B3GLCT: variants seen among roughly 807,000 people sequenced by gnomAD.
B3GLCT encodes beta 3-glucosyltransferase.
In B3GLCT, 65 loss-of-function variants were observed where a neutral mutation model predicts 63.4. That is an observed-to-expected ratio of 1.03 (90% confidence interval 0.84 to 1.26). The LOEUF (loss-of-function observed/expected upper bound fraction) is 1.26. Among genes scored for constraint, B3GLCT ranks in the 50% most tolerant of loss-of-function variants. B3GLCT has a pLI of 0.00. For missense variants in B3GLCT, 577 were observed against 604.8 expected (o/e 0.95, Z 0.48); for synonymous variants, 233 against 219.2 (o/e 1.06, Z -0.55).
chr13:31,247,508 T>A (rs1871249593), intron 5 of B3GLCT, among the ~76,000 whole-genome samples: 1 of 152,120 alleles, frequency 6.6e-6, no homozygotes, highest in Non-Finnish European at 1.5e-5. Flanking sequence ...CTGTTGACCT[T>A]GTGATCCGTC....
intron 13 of B3GLCT, among the ~76,000 whole-genome samples, chr13:31,322,717 A>C (rs1240132105): frequency 4.6e-5 from 7 of 152,188 alleles, no homozygotes; most frequent in Admixed American, 6.5e-5. Context: ...TTAGTTTTTC[A>C]GAGAGCGGAT....
intron 10 of B3GLCT, among the ~76,000 whole-genome samples, chr13:31,284,273 G>T (rs529819078): frequency 1.3e-5 from 2 of 152,246 alleles, no homozygotes; most frequent in African/African-American, 4.8e-5. Flanking sequence ...AGTTTGCAAA[G>T]GTCTTCTCAT....
chr13:31,317,787 C>T, intron 13 of B3GLCT, 102 bp downstream of exon 13: 1 of 1,401,398 alleles, frequency 7.1e-7, no homozygotes, highest in African/African-American at 1.4e-5. Flanking sequence ...TACGTGAGTA[C>T]TCTGTGAATG....
chr13:31,205,824 C>T (rs1422774687), intron 1 of B3GLCT, among the ~76,000 whole-genome samples: 1 of 152,140 alleles, frequency 6.6e-6, no homozygotes. Flanking sequence ...CTACATATAT[C>T]TGCATGTTGT....
chr13:31,286,692 T>C, intron 11 of B3GLCT, 28 bp from the exon 12 acceptor site: 1 of 1,337,078 alleles, frequency 7.5e-7, no homozygotes, highest in Non-Finnish European at 1.1e-6. Flanking sequence ...AAATAATACA[T>C]TGTAAGTTTT....
rs576724006 is a variant in B3GLCT, at chr13:31,215,222, T to C, written c.120+122T>C. Reference sequence around the variant, plus strand: ...TTTTATTGTTACATAATTCATATAATGTGGTCAACATGGATTTTGAATCCC... The same window carrying C: ...TTTTATTGTTACATAATTCATATAACGTGGTCAACATGGATTTTGAATCCC... On this transcript the variant is annotated intron_variant, in intron 2 of 14. Transcript: ENST00000343307. The C allele has an allele frequency of 9.5e-5, 101 of 1,062,372 alleles. 2 individuals are homozygous for C. The Middle Eastern group carries it at 1.4e-3, about 15-fold the overall frequency. 65.8% of individuals were successfully genotyped at this position (1,062,372 alleles called of 1,614,324 possible).
chr13:31,271,424 A>G (rs1872571422), intron 8 of B3GLCT, among the ~76,000 whole-genome samples: 1 of 152,306 alleles, frequency 6.6e-6, no homozygotes, highest in South Asian at 2.1e-4. Context: ...CATTGCTTCT[A>G]TGAATATTTT....
chr13:31,266,042 C>A (rs966516173), intron 7 of B3GLCT, among the ~76,000 whole-genome samples: 1 of 152,180 alleles, frequency 6.6e-6, no homozygotes, highest in East Asian at 1.9e-4. Flanking sequence ...CTCTGTCGCC[C>A]AGGCTGGAGT....
intron 4 of B3GLCT, among the ~76,000 whole-genome samples, chr13:31,244,156 T>G (rs1369880769): frequency 6.6e-6 from 1 of 152,232 alleles, no homozygotes; most frequent in Non-Finnish European, 1.5e-5. Flanking sequence ...AATTTTAATT[T>G]GAAAACTATT....
chr13:31,251,264 T>G (rs9572561), intron 6 of B3GLCT, among the ~76,000 whole-genome samples: 1 of 151,928 alleles, frequency 6.6e-6, no homozygotes, highest in Admixed American at 6.5e-5. Flanking sequence ...GGGGAGAAAC[T>G]AGCACAAAAC....
intron 12 of B3GLCT, among the ~76,000 whole-genome samples, chr13:31,310,012 C>T (rs535438539): frequency 6.6e-6 from 1 of 152,304 alleles, no homozygotes; most frequent in South Asian, 2.1e-4. Flanking sequence ...ACACAAATTC[C>T]TAGGCAGAAA....
chr13:31,278,665 C>G lies in B3GLCT; in HGVS notation c.850+1894C>G, dbSNP rs570192561. On this transcript the variant is annotated intron_variant, in intron 10 of 14. Coordinates refer to ENST00000343307, the MANE Select transcript of B3GLCT (RefSeq NM_194318.4). ...TCCATTTTGCATGACTTCATGTAGC[C>G]TGCCAAGCCACCACTGGGCTCTGCC... Among the ~76,000 whole-genome samples the G allele has an allele frequency of 4.2e-4, 64 of 152,294 alleles. 1 individual carries two copies. In the Middle Eastern group the frequency reaches 0.01, roughly 24 times the overall value.
intron 13 of B3GLCT, among the ~76,000 whole-genome samples, chr13:31,322,841 G>GA (rs1875399793): frequency 6.6e-6 from 1 of 151,974 alleles, no homozygotes; most frequent in African/African-American, 2.4e-5. Context: ...CTCTTTTCCC[G>GA]GAGTCAGTAG....
At chr13:31,293,034 A>T (rs73174618) in intron 12 of B3GLCT, among the ~76,000 whole-genome samples, 1 of 151,872 alleles carries the variant, frequency 6.6e-6, no homozygotes, top group Admixed American at 6.6e-5. Context: ...GTTCCAAAGA[A>T]CTTATTTCTG....
intron 6 of B3GLCT, among the ~76,000 whole-genome samples, chr13:31,253,618 A>ACAAAACAAAC (rs1555249043): frequency 1.2e-5 from 1 of 82,266 alleles, no homozygotes; most frequent in Non-Finnish European, 2.3e-5. Flanking sequence ...AAAAAAAAAA[A>ACAAAACAAAC]AAACTAGAGA....
At chr13:31,266,552 GT>G (rs1452749422) in intron 7 of B3GLCT, among the ~76,000 whole-genome samples, 2 of 152,130 alleles carry the variant, frequency 1.3e-5, no homozygotes. Flanking sequence ...TTTTAAGTTA[GT>G]TGGTCACCCT....
intron 12 of B3GLCT, among the ~76,000 whole-genome samples, chr13:31,294,078 C>T (rs1456482056): frequency 6.6e-6 from 1 of 152,126 alleles, no homozygotes; most frequent in Non-Finnish European, 1.5e-5. Flanking sequence ...TTTAGTTTGG[C>T]TGGATATGAA....
At chr13:31,276,450 A>G (rs1044039176) in intron 9 of B3GLCT, among the ~76,000 whole-genome samples, 1 of 152,174 alleles carries the variant, frequency 6.6e-6, no homozygotes, top group Admixed American at 6.5e-5. Flanking sequence ...AAGCAGACTG[A>G]AATTCTGGAA....
chr13:31,203,200 A>G (rs553352853), intron 1 of B3GLCT, among the ~76,000 whole-genome samples: 4 of 152,208 alleles, frequency 2.6e-5, no homozygotes, highest in Non-Finnish European at 5.9e-5. Context: ...TAGGACACCA[A>G]GAGTCAGACC....
Sources: gnomAD v4.1 joint callset for allele counts (sites outside exome capture counted in the v4.1 genomes callset) on GRCh38, gnomAD v4.1.1 for gene constraint, MANE v1.5 for transcripts, NCBI Gene and HGNC (gene_info 2026-07-23, HGNC 2026-07-21) for gene names.